METTL24: variants seen among roughly 807,000 people sequenced by gnomAD.
METTL24 encodes methyltransferase like 24.
A neutral mutation model predicts 32.7 loss-of-function variants in METTL24; 29 were observed. The observed-to-expected ratio is 0.89, with a 90% CI of 0.66 to 1.21. The LOEUF (loss-of-function observed/expected upper bound fraction) is 1.21, where lower values mean the gene tolerates loss of function less well. Ranked by LOEUF, METTL24 falls within the 50% of genes most tolerant of loss-of-function variation. The pLI is 0.00. For synonymous variants in METTL24, 163 were observed against 179.5 expected, an observed-to-expected ratio of 0.91 and a Z score of 0.73; for missense variants, 439 against 468.1, an observed-to-expected ratio of 0.94 and a Z score of 0.57.
At chr6:110,306,671 A>C (rs1771633111) in intron 3 of METTL24, among the ~76,000 whole-genome samples, 1 of 152,214 alleles carries the variant, frequency 6.6e-6, no homozygotes, top group African/African-American at 2.4e-5. Flanking sequence ...TTGATATATA[A>C]AATTCTTACT....
intron 3 of METTL24, among the ~76,000 whole-genome samples, chr6:110,300,094 C>T (rs566213113): frequency 6.6e-6 from 1 of 152,292 alleles, no homozygotes; most frequent in South Asian, 2.1e-4. Flanking sequence ...TCAATAAATA[C>T]AGTGAGCCCT....
chr6:110,261,843 C>G (rs377580912), intron 4 of METTL24, among the ~76,000 whole-genome samples: 1 of 151,956 alleles, frequency 6.6e-6, no homozygotes, highest in Non-Finnish European at 1.5e-5. Context: ...CATGGAAACT[C>G]AACAACCTGC....
chr6:110,334,207 G>T (rs1252320846), intron 1 of METTL24, among the ~76,000 whole-genome samples: 1 of 152,130 alleles, frequency 6.6e-6, no homozygotes, highest in Non-Finnish European at 1.5e-5. Flanking sequence ...AGGTCTCTTT[G>T]GTGGCTCTCA....
chr6:110,272,339 T>C (rs112461630), intron 4 of METTL24, among the ~76,000 whole-genome samples: 12,825 of 152,282 alleles, frequency 0.084, 574 homozygotes, highest in South Asian at 0.16. Flanking sequence ...CCATGGTGTA[T>C]ACATACCACC....
chr6:110,304,134 G>A (rs1414403681), intron 3 of METTL24, among the ~76,000 whole-genome samples: 1 of 152,102 alleles, frequency 6.6e-6, no homozygotes, highest in Non-Finnish European at 1.5e-5. Context: ...TCAACAAAAA[G>A]GAAGACCGGG....
chr6:110,317,658 G>C, intron 2 of METTL24, among the ~76,000 whole-genome samples: 1 of 152,092 alleles, frequency 6.6e-6, no homozygotes, highest in African/African-American at 2.4e-5. Flanking sequence ...CTTTGTGTAC[G>C]TATCTCCCTA....
chr6:110,334,178 G>A (rs976944595), intron 1 of METTL24, among the ~76,000 whole-genome samples: 2 of 152,050 alleles, frequency 1.3e-5, no homozygotes, highest in Non-Finnish European at 2.9e-5. Context: ...TGCAACCCGG[G>A]GGCCCACAGG....
At chr6:110,264,810 A>G (rs1379658728) in intron 4 of METTL24, among the ~76,000 whole-genome samples, 1 of 152,298 alleles carries the variant, frequency 6.6e-6, no homozygotes, top group African/African-American at 2.4e-5. Context: ...TGATGAGTTC[A>G]TGTCCTTTGT....
intron 1 of METTL24, among the ~76,000 whole-genome samples, chr6:110,350,891 T>C (rs1379825003): frequency 1.3e-5 from 2 of 152,104 alleles, no homozygotes; most frequent in East Asian, 1.9e-4. Flanking sequence ...GGCAGATCAC[T>C]AGGTCAGGAG....
chr6:110,276,499 T>C (rs1161612345), intron 4 of METTL24, among the ~76,000 whole-genome samples: 1 of 152,172 alleles, frequency 6.6e-6, no homozygotes, highest in African/African-American at 2.4e-5. Flanking sequence ...CTGTCAAGAA[T>C]AAACTCAGTC....
intron 1 of METTL24, among the ~76,000 whole-genome samples, chr6:110,352,720 A>G (rs1186730857): frequency 6.6e-6 from 1 of 152,070 alleles, no homozygotes; most frequent in Non-Finnish European, 1.5e-5. Context: ...TGTGTGTCCC[A>G]CGGTAAGTAA....
At chr6:110,302,083 G>A (rs1175830397) in intron 3 of METTL24, among the ~76,000 whole-genome samples, 1 of 152,020 alleles carries the variant, frequency 6.6e-6, no homozygotes, top group Admixed American at 6.6e-5. Flanking sequence ...AGATTATCCT[G>A]GCTAACACAG....
At chr6:110,328,044 G>A (rs532090373) in intron 1 of METTL24, among the ~76,000 whole-genome samples, 51 of 152,340 alleles carry the variant, frequency 3.3e-4, no homozygotes, top group African/African-American at 1.1e-3. Context: ...TTTTGGATTG[G>A]TCTGTTTGTC....
intron 3 of METTL24, among the ~76,000 whole-genome samples, chr6:110,300,050 T>C (rs762741584): frequency 3.9e-5 from 6 of 152,196 alleles, no homozygotes; most frequent in Non-Finnish European, 8.8e-5. Context: ...TTCATTCTCA[T>C]AGATTCTACA....
In METTL24 at chr6:110,276,554, A is replaced by G. The variant is rs138461121; in HGVS notation, c.786+22368T>C. ...TTTCAAAGATTAGCTCAATAGCTCA[A>G]ATGAATCTAACTGGTAGAATACGCT... On this transcript the variant is annotated intron_variant, in intron 4 of 4. Coordinates refer to ENST00000338882, the MANE Select transcript of METTL24 (RefSeq NM_001123364.3). Among the ~76,000 whole-genome samples the G allele has an allele frequency of 4.6e-4, 70 of 152,324 alleles. 1 individual carries two copies. The East Asian group carries it at 0.011, about 24-fold the overall frequency.
intron 4 of METTL24, among the ~76,000 whole-genome samples, chr6:110,271,158 C>A (rs1770952217): frequency 6.6e-6 from 1 of 152,050 alleles, no homozygotes; most frequent in Non-Finnish European, 1.5e-5. Flanking sequence ...CCGCGTCCAG[C>A]CATCTTGGTT....
intron 3 of METTL24, among the ~76,000 whole-genome samples, chr6:110,312,481 G>C (rs1379584508): frequency 1.3e-5 from 2 of 152,140 alleles, no homozygotes; most frequent in Non-Finnish European, 2.9e-5. Flanking sequence ...TAAAGAAAAT[G>C]TGGCATATAT....
intron 4 of METTL24, 34 bp from the exon 5 acceptor site, chr6:110,246,294 T>G (rs774652279): frequency 2.6e-6 from 4 of 1,529,522 alleles, no homozygotes; most frequent in Non-Finnish European, 3.5e-6. Flanking sequence ...ATTAGCAGAT[T>G]TAGTAAAACT....
At chr6:110,304,716 G>A (rs903201948) in intron 3 of METTL24, among the ~76,000 whole-genome samples, 1 of 152,094 alleles carries the variant, frequency 6.6e-6, no homozygotes, top group Admixed American at 6.6e-5. Flanking sequence ...AAAGTGACGA[G>A]GAGAATGGAA....
Sources: allele counts gnomAD v4.1 joint callset (sites outside exome capture counted in the v4.1 genomes callset), GRCh38; gene constraint gnomAD v4.1.1; transcripts MANE v1.5; gene names NCBI Gene and HGNC (gene_info 2026-07-23, HGNC 2026-07-21).